CALR: variants seen among roughly 807,000 people sequenced by gnomAD.
CALR encodes the protein CRP55.
In CALR, 15 loss-of-function variants were observed where a neutral mutation model predicts 51.1. The observed-to-expected ratio is 0.29, with a 90% CI of 0.20 to 0.45. CALR has a LOEUF of 0.45. Among genes scored for constraint, CALR ranks in the 20% least tolerant of loss-of-function variants. The pLI, the probability that CALR is intolerant of heterozygous loss-of-function variation, is 1.00. For synonymous variants in CALR, 239 were observed against 205.9 expected (o/e 1.16, Z -1.38); for missense variants, 477 against 530.6 (o/e 0.90, Z 0.99).
rs1568448756 is a variant in CALR at position 12,940,802 on chromosome 19, C to T, written c.875C>T (p.Pro292Leu). Residue 292 changes from proline (P) to leucine (L), a missense_variant, in exon 7 of 9, where the codon CCA becomes CTA. Pro to Leu is a moderately conservative substitution (Grantham distance 98). Transcript: ENST00000316448. ...GATTACAAGGGCACTTGGATCCACC[C>T]AGAAATTGACAACCCCGAGTATTCT... Reference protein sequence around the residue: ...NPDYKGTWIHPEIDNPEYSPD... With the variant: ...NPDYKGTWIHLEIDNPEYSPD... 3.7e-6 allele frequency: 6 copies of T among 1,614,130 alleles called. No homozygotes were observed. Among genetic ancestry groups the T allele is most frequent in the Non-Finnish European group, 4.2e-6 (5 of 1,180,008 alleles).
chr19:12,941,420 G>A (rs1314315700), intron 7 of CALR, among the ~76,000 whole-genome samples: 2 of 151,508 alleles, frequency 1.3e-5, no homozygotes, highest in South Asian at 2.1e-4. Context: ...CTCAGCCTCC[G>A]GAGTAGCTGG....
At chr19:12,941,781 C>G (rs940119829) in intron 7 of CALR, among the ~76,000 whole-genome samples, 7 of 151,934 alleles carry the variant, frequency 4.6e-5, no homozygotes, top group Admixed American at 2.6e-4. Flanking sequence ...CCTCACCCAG[C>G]CTTTTTGTAG....
Position 12,939,215 on chromosome 19 carries a change from G to A in CALR, c.173G>A (p.Gly58Asp). The A allele has an allele frequency of 2.5e-6, 4 of 1,610,544 alleles. No homozygotes were observed. Among genetic ancestry groups the A allele is most frequent in the Non-Finnish European group, 3.4e-6 (4 of 1,178,106 alleles). ...GTTCTCAGTTCCGGCAAGTTCTACG[G>A]TGACGAGGAGAAAGATAAAGGTAAG... is the stretch of plus-strand genomic sequence containing the variant. ...KFVLSSGKFY[G>D]DEEKDKGLQT... The change falls in exon 2 of 9, where the codon GGT becomes GAT. Residue 58 changes from glycine to aspartate, a missense_variant. By Grantham distance (94) the Gly-to-Asp change is moderately conservative. Transcript: ENST00000316448.
Position 12,943,760 on chromosome 19 carries a change from TAAG to T in CALR, c.1102_1104del (p.Lys368del), listed in dbSNP as rs749883152. 3.0e-5 allele frequency: 48 copies of T among 1,609,256 alleles called. No individual in the cohort carries two copies. Among genetic ancestry groups the T allele is most frequent in the East Asian group, 2.9e-4 (13 of 44,754 alleles). On this transcript the variant is annotated inframe_deletion, in exon 9 of 9. Coordinates refer to ENST00000316448, the MANE Select transcript of CALR (RefSeq NM_004343.4). The stretch of plus-strand genomic sequence containing the variant: ...ACAAACAGGACGAGGAGCAGAGGCT[TAAG>T]GAGGAGGAAGAAGACAAGAAACGCA...
chr19:12,943,885 T>C lies in CALR; in HGVS notation c.1226T>C (p.Val409Ala), dbSNP rs745819141. 4 of 1,593,138 alleles carry C rather than the reference T, an allele frequency of 2.5e-6. No individual in the cohort carries two copies. The highest frequency in any genetic ancestry group is 3.4e-6 in the Non-Finnish European group (4 of 1,170,690). ...AAGGAGGAAGATGAGGAGGAAGATG[T>C]CCCCGGCCAGGCCAAGGACGAGCTG... ...EDKEEDEEED[V>A]PGQAKDEL Residue 409 changes from valine (V) to alanine (A), a missense_variant, in exon 9 of 9, where the codon GTC becomes GCC. Transcript: ENST00000316448.
In CALR at chr19:12,940,538, C is replaced by T; in HGVS notation, c.703-3C>T. 1.9e-6 allele frequency: 3 copies of T among 1,613,988 alleles called. No individual in the cohort carries two copies. Among genetic ancestry groups the T allele is most frequent in the South Asian group, 1.1e-5 (1 of 91,078 alleles). On this transcript the variant is annotated splice_polypyrimidine_tract_variant and splice_region_variant and intron_variant, in intron 5 of 8. Transcript: ENST00000316448. ...AACTCTGATCTCTTCATCTACCCCCCAGGACTGGGACAAGCCCGAGCATAT... is the reference window on the plus strand; with the variant it reads ...AACTCTGATCTCTTCATCTACCCCCTAGGACTGGGACAAGCCCGAGCATAT...
At position 12,939,380 on chromosome 19, in the gene CALR, C is replaced by T. The variant is rs377004520; in HGVS notation, c.194-48C>T. 1.1e-5 allele frequency: 18 copies of T among 1,583,078 alleles called. No individual in the cohort carries two copies. The African/African-American group carries it at 2.2e-4, about 19-fold the overall frequency. On this transcript the variant is annotated intron_variant, in intron 2 of 8. Coordinates refer to ENST00000316448, the MANE Select transcript of CALR (RefSeq NM_004343.4). ...CTTCTCTATTCTCTAAGTCGAGGGT[C>T]CTCGCGAGTCAAGGCCCAACGGTGA...
At chr19:12,941,577 C>T (rs1971547673) in intron 7 of CALR, among the ~76,000 whole-genome samples, 1 of 151,270 alleles carries the variant, frequency 6.6e-6, no homozygotes, top group East Asian at 1.9e-4. Context: ...CCCAGGTTCA[C>T]TCCATTCTTC....
At chr19:12,942,039 G>A (rs115933933) in intron 7 of CALR, among the ~76,000 whole-genome samples, 3 of 152,138 alleles carry the variant, frequency 2.0e-5, no homozygotes, top group South Asian at 2.1e-4. Flanking sequence ...CTCCAGCCTC[G>A]GTGACAGAGT....
rs370833569 is a variant in CALR at position 12,943,958 on chromosome 19, C to T, written c.*45C>T. 74 of 1,602,394 alleles carry T rather than the reference C, an allele frequency of 4.6e-5. No homozygotes were observed. Among genetic ancestry groups the T allele is most frequent in the African/African-American group, 2.0e-4 (15 of 74,710 alleles). ...TGGACTGAGGCCTGAGCGCTCCTGCCGCAGAGCTGGCCGCGCCAAATAATG... is the reference window on the plus strand; with the variant it reads ...TGGACTGAGGCCTGAGCGCTCCTGCTGCAGAGCTGGCCGCGCCAAATAATG... On this transcript the variant is annotated 3_prime_UTR_variant, in exon 9 of 9. Coordinates refer to ENST00000316448, the MANE Select transcript of CALR (RefSeq NM_004343.4).
chr19:12,942,593 C>CTTTT (rs527758922), intron 7 of CALR, among the ~76,000 whole-genome samples: 1 of 133,394 alleles, frequency 7.5e-6, no homozygotes, highest in Non-Finnish European at 1.6e-5. Flanking sequence ...GTCTCTCCAT[C>CTTTT]TTTTTTTTTT....
Position 12,939,514 on chromosome 19 carries a change from C to G in CALR, c.280C>G (p.Gln94Glu). ...CAACAAAGGCCAGACGCTGGTGGTGCAGTTCACGGTGAAACATGAGCAGAA... is the reference window on the plus strand; with the variant it reads ...CAACAAAGGCCAGACGCTGGTGGTGGAGTTCACGGTGAAACATGAGCAGAA... ...FSNKGQTLVVQFTVKHEQNID... is the reference protein window; with the variant it reads ...FSNKGQTLVVEFTVKHEQNID... The change falls in exon 3 of 9, where the codon CAG becomes GAG. Residue 94 changes from glutamine to glutamate, a missense_variant. Physicochemically the swap from Gln to Glu is conservative, Grantham distance 29. Coordinates refer to ENST00000316448, the MANE Select transcript of CALR (RefSeq NM_004343.4). 1 of 1,613,446 alleles carries G rather than the reference C, an allele frequency of 6.2e-7. No homozygotes were observed. The highest frequency in any genetic ancestry group is 8.5e-7 in the Non-Finnish European group (1 of 1,180,012).
At chr19:12,940,004 GA>G (rs1352043083) in intron 3 of CALR, 48 bp from the exon 4 acceptor site, 5 of 1,303,058 alleles carry the variant, frequency 3.8e-6, no homozygotes, top group Non-Finnish European at 4.5e-6. Flanking sequence ...TGAGAGCCTC[GA>G]GATGATGGGT....
At chr19:12,938,986 G>C in intron 1 of CALR, 148 bp from the exon 2 acceptor site, 1 of 712,536 alleles carries the variant, frequency 1.4e-6, no homozygotes, top group South Asian at 1.6e-5. Flanking sequence ...ATCTCTGAAG[G>C]CACCCGACGT....
chr19:12,939,678 G>A (rs775552507), intron 3 of CALR, 47 bp downstream of exon 3: 25 of 1,500,654 alleles, frequency 1.7e-5, no homozygotes, highest in Middle Eastern at 1.8e-4. Flanking sequence ...TTAGTTAGAG[G>A]GAGACCCAGA....
At chr19:12,943,653 T>TA (rs2146020835) in intron 8 of CALR, 24 bp downstream of exon 8, 1 of 1,613,924 alleles carries the variant, frequency 6.2e-7, no homozygotes, top group East Asian at 2.2e-5. Context: ...CTGGTCCTGA[T>TA]GTCGGGGGCG....
rs1971520261 is a variant in CALR at position 12,939,730 on chromosome 19, G to C, written c.397+99G>C. The C allele has an allele frequency of 2.4e-5, 25 of 1,027,898 alleles. No homozygotes were observed. The South Asian group carries it at 3.2e-4, about 13-fold the overall frequency. The allele number at this position is 1,027,898 out of a possible 1,614,324, so 63.7% of individuals were successfully genotyped here. A position where few individuals can be genotyped will look rare whatever the true frequency, so the allele number is the denominator to read the frequency against. ...AATAATGATTTTTTTTGGAAGGGGA[G>C]CTAAAAGAATAAGTCCCAGCAACAA... On this transcript the variant is annotated intron_variant, in intron 3 of 8. Coordinates refer to ENST00000316448, the MANE Select transcript of CALR (RefSeq NM_004343.4).
Position 12,942,324 on chromosome 19 carries a change from T to C in CALR, c.961-1213T>C, listed in dbSNP as rs553945299. ...CTTGCAGTGAGCTGAGATCATGCCA[T>C]TGCACTCCAGCCTGGGTGATAGCGA... On this transcript the variant is annotated intron_variant, in intron 7 of 8. Coordinates refer to ENST00000316448, the MANE Select transcript of CALR (RefSeq NM_004343.4). 1.0e-4 allele frequency among the ~76,000 whole-genome samples: 15 copies of C among 149,790 alleles called. No homozygotes were observed. In the East Asian group the frequency reaches 2.6e-3, roughly 26 times the overall value.
At chr19:12,940,696 G>A in intron 6 of CALR, 42 bp downstream of exon 6, 1 of 1,614,104 alleles carries the variant, frequency 6.2e-7, no homozygotes. Context: ...TCACAGTGGG[G>A]AGTGCACCAA....
Sources: gnomAD v4.1 joint callset for allele counts (sites outside exome capture counted in the v4.1 genomes callset) on GRCh38, gnomAD v4.1.1 for gene constraint, MANE v1.5 for transcripts, NCBI Gene and HGNC (gene_info 2026-07-23, HGNC 2026-07-21) for gene names.